SLC29A4: variants seen among roughly 807,000 people sequenced by gnomAD.
The protein encoded by SLC29A4 is solute carrier family 29 member 4.
A neutral mutation model predicts 43.9 loss-of-function variants in SLC29A4; 36 were observed. The ratio of observed to expected loss-of-function variants is 0.82; its 90% CI spans 0.63 to 1.08. The LOEUF is 1.08. Among genes scored for constraint, SLC29A4 ranks in the 50% least tolerant of loss-of-function variants. The pLI, the probability that SLC29A4 is intolerant of heterozygous loss-of-function variation, is 0.00. For synonymous variants in SLC29A4, 491 were observed against 338.0 expected (o/e 1.45, Z -4.97); for missense variants, 869 against 755.3 (o/e 1.15, Z -1.77).
At position 5,293,965 on chromosome 7, in the gene SLC29A4, G is replaced by C. The variant is rs1171764551; in HGVS notation, c.545-895G>C. On this transcript the variant is annotated intron_variant, in intron 5 of 10. Transcript: ENST00000396872. The stretch of plus-strand genomic sequence containing the variant: ...ACTAAAAATACAAAAAATTAGCCGG[G>C]TGTGGTGGTGTGTGCCTGTAATCCC... Among the ~76,000 whole-genome samples the C allele has an allele frequency of 2.6e-5, 4 of 152,212 alleles. No homozygotes were observed. The East Asian group carries it at 5.8e-4, about 22-fold the overall frequency.
In SLC29A4 at chr7:5,283,308, A is replaced by T. The variant is rs1784762500; in HGVS notation, c.-9+226A>T. Among the ~76,000 whole-genome samples, 4 of 150,578 alleles carry T rather than the reference A, an allele frequency of 2.7e-5. No homozygotes were observed. In the South Asian group the frequency reaches 8.4e-4, roughly 32 times the overall value. On this transcript the variant is annotated intron_variant, in intron 1 of 10. Transcript: ENST00000396872. ...GGACCCGGACCCCTGGGCCCTCGCCATGGAGGGGGTCGGCGCCACCGCCTC... is the reference window on the plus strand; with the variant it reads ...GGACCCGGACCCCTGGGCCCTCGCCTTGGAGGGGGTCGGCGCCACCGCCTC...
At position 5,300,672 on chromosome 7, in the gene SLC29A4, G is replaced by A. The variant is rs1435476515; in HGVS notation, c.1450+10G>A. ...CAGCGGGAGCTGGCAGGTGAGGCCC[G>A]CGGGACGTGGGGGTGGGGGCGTCCT... On this transcript the variant is annotated intron_variant, in intron 10 of 10. Transcript: ENST00000396872. 1.6e-5 allele frequency: 25 copies of A among 1,604,254 alleles called. No individual in the cohort carries two copies. The highest frequency in any genetic ancestry group is 2.2e-4 in the Middle Eastern group (1 of 4,642).
At position 5,302,936 on chromosome 7, in the gene SLC29A4, C is replaced by G. The variant is rs780516043; in HGVS notation, c.1590C>G (p.Leu530=). ...STANGSILAG[L] ...CCAATGGTTCCATCCTCGCAGGCCT[C>G]TGAGCCAGCCCCGCCCACTGCCAGG... The change falls in exon 11 of 11, where the codon CTC becomes CTG. Residue 530 remains leucine, a synonymous_variant. Transcript: ENST00000396872. 1.9e-6 allele frequency: 3 copies of G among 1,605,664 alleles called. No homozygotes were observed. The highest frequency in any genetic ancestry group is 1.7e-5 in the Admixed American group (1 of 59,398).
intron 1 of SLC29A4, among the ~76,000 whole-genome samples, chr7:5,285,240 C>T (rs1010577429): frequency 6.6e-6 from 1 of 152,212 alleles, no homozygotes; most frequent in East Asian, 1.9e-4. Context: ...CAGCTCTGCT[C>T]TAAGCCCTGC....
intron 5 of SLC29A4, among the ~76,000 whole-genome samples, chr7:5,292,681 A>AT (rs1301091462): frequency 1.3e-5 from 1 of 76,988 alleles, no homozygotes; most frequent in African/African-American, 5.4e-5. Flanking sequence ...CAGCCAAGAC[A>AT]TTTTTTTCCT....
intron 6 of SLC29A4, 49 bp downstream of exon 6, chr7:5,294,983 C>G (rs1482453049): frequency 2.0e-6 from 3 of 1,517,320 alleles, no homozygotes; most frequent in African/African-American, 1.4e-5. Context: ...CTGCCCTGGG[C>G]TCTGGAAGCT....
rs146539216 is a variant in SLC29A4 at position 5,289,200 on chromosome 7, C to T, written c.169+1215C>T. Among the ~76,000 whole-genome samples the T allele has an allele frequency of 4.4e-4, 67 of 152,126 alleles. 1 individual carries two copies. Among genetic ancestry groups the T allele is most frequent in the African/African-American group, 1.5e-3 (64 of 41,476 alleles). ...ACACTTGAGCCCAGGAGTTTGAGGCCGGCCTGAACAACCTGGCAAAATCTC... is the reference window on the plus strand; with the variant it reads ...ACACTTGAGCCCAGGAGTTTGAGGCTGGCCTGAACAACCTGGCAAAATCTC... On this transcript the variant is annotated intron_variant, in intron 2 of 10. Coordinates refer to ENST00000396872, the MANE Select transcript of SLC29A4 (RefSeq NM_153247.4).
chr7:5,289,741 A>G (rs1269209200), intron 2 of SLC29A4, among the ~76,000 whole-genome samples: 1 of 151,802 alleles, frequency 6.6e-6, no homozygotes, highest in Non-Finnish European at 1.5e-5. Context: ...TCCCTAAACC[A>G]TGCCTCCTCT....
intron 5 of SLC29A4, among the ~76,000 whole-genome samples, chr7:5,294,050 G>A (rs1785481556): frequency 6.6e-6 from 1 of 151,640 alleles, no homozygotes; most frequent in Admixed American, 6.6e-5. Context: ...AGGTTGCAGT[G>A]AGCCGAGATC....
intron 1 of SLC29A4, among the ~76,000 whole-genome samples, chr7:5,284,642 G>C (rs761765133): frequency 6.6e-6 from 1 of 152,142 alleles, no homozygotes; most frequent in Non-Finnish European, 1.5e-5. Flanking sequence ...GGCGCAGTAG[G>C]CTTGGATGTG....
chr7:5,297,316 C>T (rs770903215), intron 7 of SLC29A4, 118 bp downstream of exon 7: 11 of 1,221,762 alleles, frequency 9.0e-6, no homozygotes, highest in South Asian at 1.6e-5. Flanking sequence ...TGGTCTCCTC[C>T]TGTGGTGGAG....
At chr7:5,286,141 A>G (rs1194644069) in intron 1 of SLC29A4, among the ~76,000 whole-genome samples, 2 of 152,176 alleles carry the variant, frequency 1.3e-5, no homozygotes, top group Non-Finnish European at 2.9e-5. Flanking sequence ...TTCAGCACTC[A>G]GTGCTGTGCT....
intron 10 of SLC29A4, among the ~76,000 whole-genome samples, chr7:5,300,877 C>T (rs1386714141): frequency 6.6e-6 from 1 of 152,220 alleles, no homozygotes; most frequent in Admixed American, 6.5e-5. Flanking sequence ...GTGAGCCCCT[C>T]CTGTGGACCA....
rs1453789720 is a variant in SLC29A4, at chr7:5,306,837, C to G, written c.*3898C>G. 2 of 151,104 alleles carry G rather than the reference C, an allele frequency of 1.3e-5. No individual in the cohort carries two copies. The highest frequency in any genetic ancestry group is 2.9e-5 in the Non-Finnish European group (2 of 67,854). 9.4% of individuals were successfully genotyped at this position (151,104 alleles called of 1,614,324 possible). ...TTTCTTTTTTTTTATGAAAAAAGAT[C>G]ACACAGAATTTGCCAACAAACAAAA... On this transcript the variant is annotated 3_prime_UTR_variant, in exon 11 of 11. Transcript: ENST00000396872.
intron 5 of SLC29A4, among the ~76,000 whole-genome samples, chr7:5,293,965 G>A (rs1171764551): frequency 3.3e-5 from 5 of 152,094 alleles, no homozygotes; most frequent in Non-Finnish European, 7.4e-5. Context: ...AATTAGCCGG[G>A]TGTGGTGGTG....
rs990978441 is a variant in SLC29A4, at chr7:5,292,167, G to A, written c.544+346G>A. On this transcript the variant is annotated intron_variant, in intron 5 of 10. Transcript: ENST00000396872. ...ACTTTGTCACCCAGGCTAGAGTGCA[G>A]TGGCATGATCATAGCTCACTGCAGC... Among the ~76,000 whole-genome samples the A allele has an allele frequency of 1.1e-3, 171 of 152,196 alleles. 13 individuals carry two copies.
At position 5,291,203 on chromosome 7, in the gene SLC29A4, G is replaced by A. The variant is rs774864187; in HGVS notation, c.381G>A (p.Val127=). 7 of 1,613,470 alleles carry A rather than the reference G, an allele frequency of 4.3e-6. No homozygotes were observed. The highest frequency in any genetic ancestry group is 2.2e-5 in the East Asian group (1 of 44,884). The change falls in exon 4 of 11, where the codon GTG becomes GTA. Residue 127 remains valine, a synonymous_variant. Coordinates refer to ENST00000396872, the MANE Select transcript of SLC29A4 (RefSeq NM_153247.4). ...LAAVLLNNVL[V]ERLTLHTRIT... ...CTGTCCTCCTGAACAACGTCCTGGTGGAGAGACTGACCCTGCACACCAGGA... is the reference window on the plus strand; with the variant it reads ...CTGTCCTCCTGAACAACGTCCTGGTAGAGAGACTGACCCTGCACACCAGGA...
rs1158441914 is a variant in SLC29A4, at chr7:5,291,718, C to G, written c.441C>G (p.Leu147=). The G allele has an allele frequency of 1.9e-6, 3 of 1,611,868 alleles. No homozygotes were observed. Among genetic ancestry groups the G allele is most frequent in the South Asian group, 1.1e-5 (1 of 90,966 alleles). The change falls in exon 5 of 11, where the codon CTC becomes CTG. Residue 147 remains leucine (L), a synonymous_variant. Coordinates refer to ENST00000396872, the MANE Select transcript of SLC29A4 (RefSeq NM_153247.4). ...GCTACCTCTTAGCCTTGGGCCCTCTCCTTTTTATCAGCATCTGCGACGTGT... is the reference window on the plus strand; with the variant it reads ...GCTACCTCTTAGCCTTGGGCCCTCTGCTTTTTATCAGCATCTGCGACGTGT... The part of the protein sequence containing the change: ...TAGYLLALGP[L]LFISICDVWL...
At chr7:5,286,154 C>T (rs986009624) in intron 1 of SLC29A4, among the ~76,000 whole-genome samples, 2 of 152,138 alleles carry the variant, frequency 1.3e-5, no homozygotes, top group African/African-American at 4.8e-5. Flanking sequence ...GCTGTGCTGT[C>T]CTCTCTGTTA....
Sources: gnomAD v4.1 joint callset for allele counts (sites outside exome capture counted in the v4.1 genomes callset) on GRCh38, gnomAD v4.1.1 for gene constraint, MANE v1.5 for transcripts, NCBI Gene and HGNC (gene_info 2026-07-23, HGNC 2026-07-21) for gene names.